The following DCAF6 variants were observed in gnomAD, a reference collection of about 807,000 sequenced individuals.
DCAF6 encodes DDB1- and CUL4-associated factor 6.
DCAF6 carries 54 observed loss-of-function variants against 125.1 expected under a neutral mutation model. The ratio of observed to expected loss-of-function variants is 0.43; its 90% confidence interval spans 0.35 to 0.54. The LOEUF is 0.54. Among genes scored for constraint, DCAF6 ranks in the 20% least tolerant of loss-of-function variants. The probability of loss-of-function intolerance (pLI) is 0.01; values close to 1 mark genes in which losing one functional copy is unlikely to be tolerated. For missense variants in DCAF6, 934 were observed against 1,161.7 expected (o/e 0.80, Z 2.85); for synonymous variants, 371 against 390.4 (o/e 0.95, Z 0.58).
At chr1:167,893,748 T>A in the DCAF6 span, 6 of 692,308 alleles carry the variant, frequency 8.7e-6, no homozygotes, top group African/African-American at 7.4e-5. Flanking sequence ...ATGGAACATT[T>A]TACTATTTAC....
At chr1:168,033,569 G>A (rs532914577) in intron 12 of DCAF6, among the ~76,000 whole-genome samples, 7 of 151,386 alleles carry the variant, frequency 4.6e-5, no homozygotes, top group Admixed American at 2.0e-4. Context: ...CACCCGCCTC[G>A]GCCTCCCAAA....
the DCAF6 span, among the ~76,000 whole-genome samples, chr1:167,865,461 G>A: frequency 6.6e-6 from 1 of 152,070 alleles, no homozygotes; most frequent in African/African-American, 2.4e-5. Flanking sequence ...CTTACCTTAT[G>A]GTCAAACATG....
At chr1:168,027,001 A>G (rs1460015528) in intron 12 of DCAF6, among the ~76,000 whole-genome samples, 1 of 152,126 alleles carries the variant, frequency 6.6e-6, no homozygotes, top group Admixed American at 6.5e-5. Context: ...CAGGGCAGAA[A>G]GAATGCCATA....
At chr1:167,994,968 A>G (rs1681436555) in intron 7 of DCAF6, among the ~76,000 whole-genome samples, 2 of 152,080 alleles carry the variant, frequency 1.3e-5, no homozygotes, top group African/African-American at 4.8e-5. Flanking sequence ...ATTAGAAATC[A>G]GGATTACTTT....
chr1:168,015,249 A>T (rs186879273), intron 10 of DCAF6, among the ~76,000 whole-genome samples: 67 of 152,350 alleles, frequency 4.4e-4, no homozygotes, highest in Middle Eastern at 3.4e-3. Context: ...AAAATTTTTT[A>T]AAATGACAAT....
At chr1:167,991,568 T>C (rs1321543145) in intron 6 of DCAF6, among the ~76,000 whole-genome samples, 1 of 152,228 alleles carries the variant, frequency 6.6e-6, no homozygotes, top group Non-Finnish European at 1.5e-5. Flanking sequence ...TTGGCAGGAC[T>C]GCCATAACAA....
At chr1:168,030,896 G>A (rs1687003322) in intron 12 of DCAF6, among the ~76,000 whole-genome samples, 1 of 152,198 alleles carries the variant, frequency 6.6e-6, no homozygotes, top group African/African-American at 2.4e-5. Flanking sequence ...CTCATGTTTT[G>A]ATTGAGCACA....
Position 168,075,611 on chromosome 1 carries a change from T to C in DCAF6, c.*176T>C. The C allele has an allele frequency of 1.9e-6, 1 of 539,490 alleles. No individual in the cohort carries two copies. The highest frequency in any genetic ancestry group is 3.7e-5 in the South Asian group (1 of 27,392). 33.4% of individuals were successfully genotyped at this position (539,490 alleles called of 1,614,324 possible). A position where few individuals can be genotyped will look rare whatever the true frequency, so the allele number is the denominator to read the frequency against. On this transcript the variant is annotated 3_prime_UTR_variant, in exon 22 of 22. Coordinates refer to ENST00000367840, the MANE Select transcript of DCAF6 (RefSeq NM_001198956.2). ...GATTGTGTGCATGAATTTGGGAGAT[T>C]GTATAAAACAAAACTAGCAGAATGT...
chr1:167,873,179 A>G, the DCAF6 span, among the ~76,000 whole-genome samples: 1 of 152,076 alleles, frequency 6.6e-6, no homozygotes, highest in Non-Finnish European at 1.5e-5. Context: ...CAGTTAGTAA[A>G]ATAAGTATAT....
In DCAF6 at chr1:167,948,235, A is replaced by G. The variant is rs79931917; in HGVS notation, c.98-3565A>G. 1.6e-3 allele frequency among the ~76,000 whole-genome samples: 239 copies of G among 150,814 alleles called. 1 individual carries two copies. In the East Asian group the frequency reaches 0.027, roughly 17 times the overall value. ...CAGACAGTCTGATTATAATGTTGCC[A>G]TGGTGGAGACCTTTTTACACTGTAT... On this transcript the variant is annotated intron_variant, in intron 1 of 21. Transcript: ENST00000367840.
the DCAF6 span, among the ~76,000 whole-genome samples, chr1:167,896,242 G>A: frequency 2.6e-5 from 4 of 152,160 alleles, no homozygotes; most frequent in Non-Finnish European, 5.9e-5. Context: ...GGACATGAGA[G>A]CAGGTATAAA....
At position 168,054,948 on chromosome 1, in the gene DCAF6, CTGGGG is replaced by C. The variant is rs1690437684; in HGVS notation, c.2300+4016_2300+4020del. 3.3e-5 allele frequency among the ~76,000 whole-genome samples: 5 copies of C among 152,090 alleles called. 1 individual carries two copies. In the South Asian group the frequency reaches 1.0e-3, roughly 32 times the overall value. ...TCTCCTGCCTCAGCCTCCCAAGTAG[CTGGGG>C]CTACAGGCATGTGCCACCATGCCCG... On this transcript the variant is annotated intron_variant, in intron 17 of 21. Transcript: ENST00000367840.
At chr1:168,000,262 CA>C (rs1335872952) in intron 7 of DCAF6, among the ~76,000 whole-genome samples, 1 of 151,896 alleles carries the variant, frequency 6.6e-6, no homozygotes, top group African/African-American at 2.4e-5. Flanking sequence ...ATAGTAAGAT[CA>C]AAGGTCTCTG....
chr1:168,004,929 A>G (rs2103086666), intron 10 of DCAF6, 136 bp downstream of exon 10: 1 of 995,696 alleles, frequency 1.0e-6, no homozygotes, highest in East Asian at 2.7e-5. Flanking sequence ...ATATATGGTT[A>G]TGTAACTTAA....
intron 12 of DCAF6, among the ~76,000 whole-genome samples, chr1:168,033,349 C>T: frequency 6.9e-6 from 1 of 145,814 alleles, no homozygotes; most frequent in South Asian, 2.2e-4. Flanking sequence ...CGCTCTGTCG[C>T]CCAGGCCGGA....
At chr1:167,950,906 C>T (rs1395008891) in intron 1 of DCAF6, among the ~76,000 whole-genome samples, 1 of 152,122 alleles carries the variant, frequency 6.6e-6, no homozygotes, top group African/African-American at 2.4e-5. Flanking sequence ...TTTTTAATGC[C>T]ATATTTCATC....
the DCAF6 span, among the ~76,000 whole-genome samples, chr1:167,927,235 A>G: frequency 6.6e-6 from 1 of 152,312 alleles, no homozygotes; most frequent in African/African-American, 2.4e-5. Context: ...TGCCAAGGAT[A>G]TATTAGATTT....
At chr1:167,897,656 AC>A in the DCAF6 span, among the ~76,000 whole-genome samples, 2,582 of 60,428 alleles carry the variant, frequency 0.043, 1,291 homozygotes, top group African/African-American at 0.056. Context: ...CTGCAAGACA[AC>A]GGAACCACTG....
chr1:167,897,431 A>T, the DCAF6 span, among the ~76,000 whole-genome samples: 1 of 150,646 alleles, frequency 6.6e-6, no homozygotes, highest in Non-Finnish European at 1.5e-5. Flanking sequence ...TGGGAGTTAG[A>T]GGTTGAAGTG....
Sources: gnomAD v4.1 joint callset for allele counts (sites outside exome capture counted in the v4.1 genomes callset) on GRCh38, gnomAD v4.1.1 for gene constraint, MANE v1.5 for transcripts, NCBI Gene and HGNC (gene_info 2026-07-23, HGNC 2026-07-21) for gene names.